Variants in PPFIA1 observed in about 807,000 individuals in gnomAD.
PPFIA1 encodes the protein liprin-alpha-1.
In PPFIA1, 25 loss-of-function variants were observed where a neutral mutation model predicts 149.9. That is an observed-to-expected ratio of 0.17 (90% CI 0.12 to 0.23). The LOEUF (loss-of-function observed/expected upper bound fraction) is 0.23, where lower values mean the gene tolerates loss of function less well. Ranked by LOEUF, PPFIA1 falls within the 10% of genes least tolerant of loss-of-function variation. PPFIA1 has a pLI of 1.00. For synonymous variants in PPFIA1, 549 were observed against 552.8 expected (o/e 0.99, Z 0.10); for missense variants, 1,362 against 1,506.5 (o/e 0.90, Z 1.59).
Position 70,378,022 on chromosome 11 carries a change from T to C in PPFIA1, c.3385-8T>C. 2 of 1,586,232 alleles carry C rather than the reference T, an allele frequency of 1.3e-6. No individual in the cohort carries two copies. Among genetic ancestry groups the C allele is most frequent in the South Asian group, 2.3e-5 (2 of 88,028 alleles). On this transcript the variant is annotated splice_region_variant and splice_polypyrimidine_tract_variant and intron_variant, in intron 25 of 27. Transcript: ENST00000253925. Reference sequence around the variant, plus strand: ...ATGAATCTTGTTTTTTGTTCCTTAATTTACCAGGATGATGATAAAAGCTTT... The same window carrying C: ...ATGAATCTTGTTTTTTGTTCCTTAACTTACCAGGATGATGATAAAAGCTTT...
At chr11:70,335,868 G>A (rs1334155891) in intron 11 of PPFIA1, among the ~76,000 whole-genome samples, 174 bp downstream of exon 11, 2 of 152,134 alleles carry the variant, frequency 1.3e-5, no homozygotes, top group African/African-American at 4.8e-5. Context: ...TTAACTTATT[G>A]TTTGCTAAGT....
chr11:70,335,428 C>A, intron 10 of PPFIA1, 135 bp from the exon 11 acceptor site: 1 of 1,011,962 alleles, frequency 9.9e-7, no homozygotes, highest in Non-Finnish European at 1.4e-6. Flanking sequence ...CAAAAGTCCA[C>A]TCAAGATGGC....
intron 8 of PPFIA1, 33 bp from the exon 9 acceptor site, chr11:70,331,927 G>C (rs776631972): frequency 6.3e-7 from 1 of 1,586,618 alleles, no homozygotes; most frequent in Non-Finnish European, 8.6e-7. Flanking sequence ...TAGAAGATTT[G>C]TTGCATTTTG....
intron 2 of PPFIA1, among the ~76,000 whole-genome samples, chr11:70,310,529 G>A (rs964595568): frequency 6.6e-5 from 10 of 152,066 alleles, no homozygotes; most frequent in Admixed American, 2.6e-4. Context: ...GGGACTACAG[G>A]TGCGCGCCAC....
At chr11:70,365,973 A>T in intron 21 of PPFIA1, 1 of 456,628 alleles carries the variant, frequency 2.2e-6, no homozygotes, top group Non-Finnish European at 4.4e-6. Context: ...CTCAGGTTGG[A>T]GTCTTTCTCT....
chr11:70,375,861 C>A (rs147641876), intron 24 of PPFIA1, among the ~76,000 whole-genome samples: 62 of 151,982 alleles, frequency 4.1e-4, no homozygotes, highest in Admixed American at 2.0e-3. Flanking sequence ...CCACACAACA[C>A]ACCCTTGTTA....
chr11:70,278,480 G>T (rs1390852684), intron 2 of PPFIA1, among the ~76,000 whole-genome samples: 1 of 152,046 alleles, frequency 6.6e-6, no homozygotes, highest in Non-Finnish European at 1.5e-5. Context: ...TGTTATTGTT[G>T]TCCCATTTGA....
intron 14 of PPFIA1, among the ~76,000 whole-genome samples, chr11:70,340,033 G>A (rs758377749): frequency 1.4e-3 from 208 of 151,850 alleles, no homozygotes; most frequent in Admixed American, 2.9e-3. Context: ...ATAAAAAGCC[G>A]AGTGCAGTGC....
At chr11:70,380,285 C>G (rs530223285) in intron 26 of PPFIA1, among the ~76,000 whole-genome samples, 1 of 142,694 alleles carries the variant, frequency 7.0e-6, no homozygotes, top group Non-Finnish European at 1.5e-5. Context: ...ACAAAAAAAT[C>G]GGCCGGGCTC....
intron 15 of PPFIA1, among the ~76,000 whole-genome samples, chr11:70,344,912 C>T (rs1320200997): frequency 2.0e-5 from 3 of 152,254 alleles, no homozygotes; most frequent in Non-Finnish European, 4.4e-5. Flanking sequence ...AGCACAGGAG[C>T]AGCAGAGCAG....
At chr11:70,365,511 G>A (rs558178275) in intron 21 of PPFIA1, 10 of 444,050 alleles carry the variant, frequency 2.3e-5, no homozygotes, top group South Asian at 1.6e-4. Context: ...TTGCCTTTTT[G>A]TTGAAAACAA....
intron 26 of PPFIA1, among the ~76,000 whole-genome samples, chr11:70,380,062 T>G (rs1293180631): frequency 6.6e-6 from 1 of 152,218 alleles, no homozygotes; most frequent in Admixed American, 6.5e-5. Flanking sequence ...AAATCACATC[T>G]CCCTTGTTAA....
rs200165021 is a variant in PPFIA1, at chr11:70,362,065, C to G, written c.2583-30C>G. 1.2e-5 allele frequency: 19 copies of G among 1,605,756 alleles called. No individual in the cohort carries two copies. The East Asian group carries it at 4.0e-4, about 34-fold the overall frequency. On this transcript the variant is annotated intron_variant, in intron 19 of 27. Coordinates refer to ENST00000253925, the MANE Select transcript of PPFIA1 (RefSeq NM_003626.5). ...TGTGAGCTACCATGCCTGGCTGATTCTTTAATTTTCAATATCTTCTCCTTT... is the reference window on the plus strand; with the variant it reads ...TGTGAGCTACCATGCCTGGCTGATTGTTTAATTTTCAATATCTTCTCCTTT...
chr11:70,348,355 T>G lies in PPFIA1; in HGVS notation c.2098T>G (p.Ser700Ala). The G allele has an allele frequency of 6.2e-7, 1 of 1,614,044 alleles. No homozygotes were observed. The highest frequency in any genetic ancestry group is 8.5e-7 in the Non-Finnish European group (1 of 1,179,960). ...CTCCTCCCCTCCGGGCAGTGGGCGC[T>G]CCACCCCACGAAGGATCCCTCACAG... ...ASSSPPGSGR[S>A]TPRRIPHSPA... is the part of the protein sequence containing the mutation. The change falls in exon 16 of 28, where the codon TCC (serine) becomes GCC (alanine). Residue 700 changes from serine (S) to alanine (A), a missense_variant. By Grantham distance (99) the Ser-to-Ala change is moderately conservative. Coordinates refer to ENST00000253925, the MANE Select transcript of PPFIA1 (RefSeq NM_003626.5).
intron 16 of PPFIA1, among the ~76,000 whole-genome samples, chr11:70,352,735 C>T (rs1361110778): frequency 5.3e-5 from 5 of 94,346 alleles, no homozygotes; most frequent in Non-Finnish European, 2.1e-5. Context: ...GTGCGGAGGG[C>T]GGCGTGTGGA....
At chr11:70,375,223 G>GT (rs746047562) in intron 24 of PPFIA1, 130 bp downstream of exon 24, 14,223 of 166,436 alleles carry the variant, frequency 0.085, 601 homozygotes, top group African/African-American at 0.18. Context: ...CTAGTTTTTG[G>GT]TTTTTTTTTT....
Position 70,317,000 on chromosome 11 carries a change from T to G in PPFIA1, c.265-7402T>G, listed in dbSNP as rs182065363. On this transcript the variant is annotated intron_variant, in intron 2 of 27. Coordinates refer to ENST00000253925, the MANE Select transcript of PPFIA1 (RefSeq NM_003626.5). ...AATCCTAGATAATGTCAAATAGAAA[T>G]ACATATTTGCATTCTTCAGATTTAT... Among the ~76,000 whole-genome samples, 1,089 of 152,344 alleles carry G rather than the reference T, an allele frequency of 7.1e-3. 10 individuals are homozygous for G. The highest frequency in any genetic ancestry group is 0.027 in the Middle Eastern group (8 of 294).
intron 2 of PPFIA1, among the ~76,000 whole-genome samples, chr11:70,298,981 G>A (rs1211421329): frequency 6.6e-6 from 1 of 152,174 alleles, no homozygotes; most frequent in Non-Finnish European, 1.5e-5. Flanking sequence ...GCTCACACCT[G>A]TAATCCCAGC....
chr11:70,318,086 C>T (rs2053739669), intron 2 of PPFIA1, among the ~76,000 whole-genome samples: 1 of 152,136 alleles, frequency 6.6e-6, no homozygotes, highest in Non-Finnish European at 1.5e-5. Flanking sequence ...CCACCCCATT[C>T]AGTCCGTTCT....
Sources: allele counts gnomAD v4.1 joint callset (sites outside exome capture counted in the v4.1 genomes callset), GRCh38; gene constraint gnomAD v4.1.1; transcripts MANE v1.5; gene names NCBI Gene and HGNC (gene_info 2026-07-23, HGNC 2026-07-21).